SPATC1: variants seen among roughly 807,000 people sequenced by gnomAD.
The protein encoded by SPATC1 is spermatogenesis and centriole associated 1, also known as speriolin.
SPATC1 carries 35 observed loss-of-function variants against 36.5 expected under a neutral mutation model. The observed-to-expected ratio is 0.96, with a 90% CI of 0.73 to 1.27. SPATC1 has a LOEUF of 1.27. Ranked by LOEUF, SPATC1 falls within the 50% of genes most tolerant of loss-of-function variation. The pLI is 0.00. For synonymous variants in SPATC1, 361 were observed against 353.6 expected, an observed-to-expected ratio of 1.02 and a Z score of -0.24; for missense variants, 779 against 796.0, an observed-to-expected ratio of 0.98 and a Z score of 0.26.
rs1040819221 is a variant in SPATC1, at chr8:144,036,713, A to G, written c.212-3196A>G. On this transcript the variant is annotated intron_variant, in intron 1 of 4. Transcript: ENST00000377470. Reference sequence around the variant, plus strand: ...AGCTCTGAAGAGATAGAAGTAGTGCACTCAGAGACTTCCTGGGGAACATCA... The same window carrying G: ...AGCTCTGAAGAGATAGAAGTAGTGCGCTCAGAGACTTCCTGGGGAACATCA... Among the ~76,000 whole-genome samples, 6 of 152,210 alleles carry G rather than the reference A, an allele frequency of 3.9e-5. No individual in the cohort carries two copies. The East Asian group carries it at 1.2e-3, about 29-fold the overall frequency.
chr8:144,037,381 G>A (rs1437712472), intron 1 of SPATC1, among the ~76,000 whole-genome samples: 1 of 151,940 alleles, frequency 6.6e-6, no homozygotes, highest in South Asian at 2.1e-4. Context: ...AGAAAGCGGG[G>A]AAAGGTGGGG....
chr8:144,016,064 C>CAA lies in SPATC1; in HGVS notation c.211+3351_211+3352dup, dbSNP rs574460237. ...GCTGGAGACTTTTGAGACTCTGTCTCAAAAAAAAAAAAAAGAAAAAAGAAA... is the reference window on the plus strand; with the variant it reads ...GCTGGAGACTTTTGAGACTCTGTCTCAAAAAAAAAAAAAAAAGAAAAAAGAAA... On this transcript the variant is annotated intron_variant, in intron 1 of 4. Coordinates refer to ENST00000377470, the MANE Select transcript of SPATC1 (RefSeq NM_198572.3). The surrounding 1 kb of genome is among the most constrained non-coding windows in gnomAD (Gnocchi z 4.5). Among the ~76,000 whole-genome samples, 8 of 78,424 alleles carry CAA rather than the reference C, an allele frequency of 1.0e-4. No homozygotes were observed. Among genetic ancestry groups the CAA allele is most frequent in the Non-Finnish European group, 1.4e-4 (5 of 36,128 alleles). The allele number at this position is 78,424 out of a possible 152,430, so 51.4% of individuals were successfully genotyped here. A position where few individuals can be genotyped will look rare whatever the true frequency, so the allele number is the denominator to read the frequency against.
rs781924047 is a variant in SPATC1 at position 144,046,692 on chromosome 8, T to C, written c.1512T>C (p.Tyr504=). 8.1e-6 allele frequency: 13 copies of C among 1,612,338 alleles called. No homozygotes were observed. The Admixed American group carries it at 2.0e-4, about 25-fold the overall frequency. The change falls in exon 5 of 5, where the codon TAT becomes TAC. Residue 504 remains tyrosine, a synonymous_variant. Transcript: ENST00000377470. The surrounding 1 kb of genome is among the most constrained non-coding windows in gnomAD (Gnocchi z 6.6). Reference sequence around the variant, plus strand: ...TGTGCCAGAGGCTCACACAGCGCTATGTGAGCGTCATGAACAGGCTGCAGA... The same window carrying C: ...TGTGCCAGAGGCTCACACAGCGCTACGTGAGCGTCATGAACAGGCTGCAGA... ...EKLCQRLTQR[Y]VSVMNRLQSL...
At chr8:144,043,015 A>T (rs1403921432) in intron 4 of SPATC1, among the ~76,000 whole-genome samples, 1 of 141,924 alleles carries the variant, frequency 7.0e-6, no homozygotes, top group Non-Finnish European at 1.5e-5. Flanking sequence ...TTTTTGAGAC[A>T]GAGTCTTGCT....
At position 144,018,939 on chromosome 8, in the gene SPATC1, G is replaced by A. The variant is rs1326872486; in HGVS notation, c.211+6213G>A. 4.9e-3 allele frequency among the ~76,000 whole-genome samples: 732 copies of A among 149,942 alleles called. 10 individuals carry two copies. Among genetic ancestry groups the A allele is most frequent in the African/African-American group, 0.017 (707 of 40,664 alleles). On this transcript the variant is annotated intron_variant, in intron 1 of 4. Transcript: ENST00000377470. ...CGCCTGTGGTCCCAGCTACTCAGGA[G>A]GCTGAGGCAGGAGAATGGCATGAAC...
chr8:144,044,433 C>T lies in SPATC1; in HGVS notation c.1447-2194C>T, dbSNP rs966746688. ...TCTCCTGCCTCAGCCTCCCAAGTAGCTGGGACTACAGGCGCCCGCCACCAC... is the reference window on the plus strand; with the variant it reads ...TCTCCTGCCTCAGCCTCCCAAGTAGTTGGGACTACAGGCGCCCGCCACCAC... On this transcript the variant is annotated intron_variant, in intron 4 of 4. Transcript: ENST00000377470. Among the ~76,000 whole-genome samples, 98 of 151,404 alleles carry T rather than the reference C, an allele frequency of 6.5e-4. 1 individual carries two copies. The highest frequency in any genetic ancestry group is 2.4e-3 in the African/African-American group (97 of 41,254).
At position 144,046,942 on chromosome 8, in the gene SPATC1, A is replaced by G. The variant is rs147172682; in HGVS notation, c.1762A>G (p.Met588Val). 9 of 1,597,104 alleles carry G rather than the reference A, an allele frequency of 5.6e-6. No homozygotes were observed. The highest frequency in any genetic ancestry group is 3.3e-5 in the Admixed American group (2 of 59,938). ...SQLAHDDGKP[M>V]FIW ...GCTGGCGCACGATGACGGCAAGCCC[A>G]TGTTCATCTGGTGACGCTGGAGCTG... The change falls in exon 5 of 5, where the codon ATG (methionine) becomes GTG (valine). Residue 588 changes from methionine to valine, a missense_variant. Met to Val is a conservative substitution (Grantham distance 21, BLOSUM62 1). Coordinates refer to ENST00000377470, the MANE Select transcript of SPATC1 (RefSeq NM_198572.3). This position sits in a 1 kb window ranked among gnomAD's most constrained non-coding sequence, Gnocchi z 6.6.
At chr8:144,033,386 C>T (rs993469042) in intron 1 of SPATC1, among the ~76,000 whole-genome samples, 5 of 150,740 alleles carry the variant, frequency 3.3e-5, no homozygotes, top group Admixed American at 3.3e-4. Context: ...GCAACAAGAG[C>T]GAGACTCCGT....
intron 1 of SPATC1, among the ~76,000 whole-genome samples, chr8:144,026,007 G>A (rs1834669219): frequency 6.6e-6 from 1 of 152,124 alleles, no homozygotes; most frequent in Non-Finnish European, 1.5e-5. Flanking sequence ...TCACAGGTAT[G>A]TACAAACATT....
At chr8:144,014,387 GAGA>G (rs1414476742) in intron 1 of SPATC1, among the ~76,000 whole-genome samples, 7 of 125,090 alleles carry the variant, frequency 5.6e-5, no homozygotes, top group Non-Finnish European at 5.0e-5. Flanking sequence ...GGAGGAGGAG[GAGA>G]AGAAGAACAA....
chr8:144,025,851 CT>C (rs1430728660), intron 1 of SPATC1, among the ~76,000 whole-genome samples: 5,073 of 152,266 alleles, frequency 0.033, 301 homozygotes, highest in African/African-American at 0.12. Context: ...AGCTTGGCCC[CT>C]GAACCATAAA....
Position 144,040,079 on chromosome 8 carries a change from C to T in SPATC1, c.382C>T (p.Pro128Ser), listed in dbSNP as rs868917339. 6.2e-7 allele frequency: 1 copy of T among 1,612,592 alleles called. No homozygotes were observed. ...CACCCTCAGCACGCTGCTGTCTGGC[C>T]CAGCACCCACGTCACAGAGCAGCCC... is the stretch of plus-strand genomic sequence containing the variant. Reference protein sequence around the residue: ...TGTLSTLLSGPAPTSQSSPLT... With the variant: ...TGTLSTLLSGSAPTSQSSPLT... The change falls in exon 2 of 5, where the codon CCA (proline) becomes TCA (serine). Residue 128 changes from proline to serine, a missense_variant. Physicochemically the swap from Pro to Ser is moderately conservative, Grantham distance 74. Coordinates refer to ENST00000377470, the MANE Select transcript of SPATC1 (RefSeq NM_198572.3).
intron 1 of SPATC1, among the ~76,000 whole-genome samples, chr8:144,014,102 G>T (rs1587482717): frequency 6.6e-6 from 1 of 151,896 alleles, no homozygotes; most frequent in Admixed American, 6.6e-5. Context: ...AATACAAAAA[G>T]TTAGCCAGGC....
rs904016900 is a variant in SPATC1, at chr8:144,030,137, A to C, written c.212-9772A>C. Among the ~76,000 whole-genome samples, 17 of 152,192 alleles carry C rather than the reference A, an allele frequency of 1.1e-4. 1 individual carries two copies. The highest frequency in any genetic ancestry group is 4.6e-4 in the Admixed American group (7 of 15,272). On this transcript the variant is annotated intron_variant, in intron 1 of 4. Coordinates refer to ENST00000377470, the MANE Select transcript of SPATC1 (RefSeq NM_198572.3). ...CAGCTCTCTTTTGATTACTATTTGCATGGAATATCTTTTTTTACCCCTTCA... is the reference window on the plus strand; with the variant it reads ...CAGCTCTCTTTTGATTACTATTTGCCTGGAATATCTTTTTTTACCCCTTCA...
At chr8:144,018,122 C>G (rs1834429572) in intron 1 of SPATC1, among the ~76,000 whole-genome samples, 1 of 152,160 alleles carries the variant, frequency 6.6e-6, no homozygotes, top group African/African-American at 2.4e-5. Context: ...GCAAGGGAAA[C>G]TTCAAAAGCA....
In SPATC1 at chr8:144,012,570, C is replaced by T. The variant is rs782020039; in HGVS notation, c.55C>T (p.Arg19Trp). ...TCGGCATCAGATAGAGAGGCTGGTG[C>T]GGGAAAATGAGGAACTGAAGAAGTT... ...GLRHQIERLV[R>W]ENEELKKLVR... is the part of the protein sequence containing the mutation. The change falls in exon 1 of 5, where the codon CGG becomes TGG. Residue 19 changes from arginine (R) to tryptophan (W), a missense_variant. Arg to Trp is a moderately radical substitution (Grantham distance 101). Coordinates refer to ENST00000377470, the MANE Select transcript of SPATC1 (RefSeq NM_198572.3). The T allele has an allele frequency of 1.1e-4, 172 of 1,551,428 alleles. No individual in the cohort carries two copies. The highest frequency in any genetic ancestry group is 4.1e-4 in the Admixed American group (21 of 50,992).
At chr8:144,035,060 T>C (rs1834870844) in intron 1 of SPATC1, among the ~76,000 whole-genome samples, 1 of 152,172 alleles carries the variant, frequency 6.6e-6, no homozygotes, top group African/African-American at 2.4e-5. Flanking sequence ...CATTTGAACA[T>C]TTCATGATTT....
chr8:144,042,945 C>T (rs1554756320), intron 4 of SPATC1, among the ~76,000 whole-genome samples: 1 of 151,556 alleles, frequency 6.6e-6, no homozygotes, highest in African/African-American at 2.4e-5. Context: ...CCATCTCAGC[C>T]TCTCTGCTAA....
intron 1 of SPATC1, among the ~76,000 whole-genome samples, chr8:144,013,238 G>A (rs1373233006): frequency 6.6e-6 from 1 of 152,034 alleles, no homozygotes; most frequent in Admixed American, 6.6e-5. Flanking sequence ...GAGTTCCCAA[G>A]CCATCTTGTC....
Sources: gnomAD v4.1 joint callset for allele counts (sites outside exome capture counted in the v4.1 genomes callset) on GRCh38, gnomAD v4.1.1 for gene constraint, Gnocchi (gnomAD v3.1) non-coding constraint, MANE v1.5 for transcripts, NCBI Gene and HGNC (gene_info 2026-07-23, HGNC 2026-07-21) for gene names.